CRISPLD2: variants seen among roughly 807,000 people sequenced by gnomAD.
CRISPLD2 encodes cysteine-rich secretory protein LCCL domain-containing 2.
CRISPLD2 carries 47 observed loss-of-function variants against 71.1 expected under a neutral mutation model. The observed-to-expected ratio is 0.66, with a 90% CI of 0.52 to 0.84. The LOEUF (loss-of-function observed/expected upper bound fraction) is 0.84. Ranked by LOEUF, CRISPLD2 falls within the 40% of genes least tolerant of loss-of-function variation. The pLI, the probability that CRISPLD2 is intolerant of heterozygous loss-of-function variation, is 0.00. For synonymous variants in CRISPLD2, 317 were observed against 250.1 expected (o/e 1.27, Z -2.52); for missense variants, 830 against 651.1 (o/e 1.27, Z -2.99).
At chr16:84,848,646 G>A (rs919780625) in intron 3 of CRISPLD2, among the ~76,000 whole-genome samples, 24 of 152,134 alleles carry the variant, frequency 1.6e-4, no homozygotes, top group Middle Eastern at 3.4e-3. Flanking sequence ...TCGCCATGTC[G>A]GCCAGGCTGG....
rs1411453377 is a variant in CRISPLD2 at position 84,880,604 on chromosome 16, A to G, written c.1305+20A>G. 6.2e-7 allele frequency: 1 copy of G among 1,606,202 alleles called. No homozygotes were observed. The highest frequency in any genetic ancestry group is 1.3e-5 in the African/African-American group (1 of 74,706). On this transcript the variant is annotated intron_variant, in intron 13 of 14. Coordinates refer to ENST00000262424, the MANE Select transcript of CRISPLD2 (RefSeq NM_031476.4). ...GCAGATGTGAGTAGGATGCATTTTCAACAACTATCTCGCAAAGCCTGTTAA... is the reference window on the plus strand; with the variant it reads ...GCAGATGTGAGTAGGATGCATTTTCGACAACTATCTCGCAAAGCCTGTTAA...
intron 14 of CRISPLD2, among the ~76,000 whole-genome samples, chr16:84,891,408 C>T (rs761531242): frequency 2.0e-5 from 3 of 152,278 alleles, no homozygotes; most frequent in South Asian, 2.1e-4. Flanking sequence ...GGGACCCCTG[C>T]CCGGTGACTC....
At chr16:84,834,982 G>C (rs978709898) in intron 1 of CRISPLD2, among the ~76,000 whole-genome samples, 1 of 152,166 alleles carries the variant, frequency 6.6e-6, no homozygotes, top group Non-Finnish European at 1.5e-5. Flanking sequence ...GTGTGAGTTT[G>C]GGGAAAACCA....
chr16:84,851,788 C>G (rs1234059894), intron 5 of CRISPLD2, among the ~76,000 whole-genome samples: 1 of 152,222 alleles, frequency 6.6e-6, no homozygotes, highest in African/African-American at 2.4e-5. Flanking sequence ...AAAATAGACA[C>G]TAGAAGGTCC....
chr16:84,899,052 C>G (rs972960646), intron 14 of CRISPLD2, among the ~76,000 whole-genome samples: 1 of 152,140 alleles, frequency 6.6e-6, no homozygotes, highest in African/African-American at 2.4e-5. Context: ...ACCACCACAT[C>G]TGGCTAATTT....
Position 84,838,552 on chromosome 16 carries a change from A to G in CRISPLD2, c.57A>G (p.Gly19=). 1 of 1,614,140 alleles carries G rather than the reference A, an allele frequency of 6.2e-7. No homozygotes were observed. Among genetic ancestry groups the G allele is most frequent in the Non-Finnish European group, 8.5e-7 (1 of 1,180,028 alleles). ...TGGGGCTGCTGTTCCTGGTCTGCGGATCCCAAGGCTACCTCCTGCCCAACG... is the reference window on the plus strand; with the variant it reads ...TGGGGCTGCTGTTCCTGGTCTGCGGGTCCCAAGGCTACCTCCTGCCCAACG... ...IPLGLLFLVC[G]SQGYLLPNVT... is the part of the protein sequence containing the mutation. Residue 19 remains glycine (G), a synonymous_variant, in exon 2 of 15, where the codon GGA becomes GGG. Transcript: ENST00000262424.
intron 12 of CRISPLD2, among the ~76,000 whole-genome samples, chr16:84,878,947 C>T (rs2071544631): frequency 6.6e-6 from 1 of 152,206 alleles, no homozygotes; most frequent in Non-Finnish European, 1.5e-5. Flanking sequence ...AAGACAGCTG[C>T]CCTGGAGGCT....
At chr16:84,906,529 T>A in intron 14 of CRISPLD2, 59 bp from the exon 15 acceptor site, 1 of 1,580,998 alleles carries the variant, frequency 6.3e-7, no homozygotes, top group Non-Finnish European at 8.7e-7. Context: ...CCACCCAGAG[T>A]CCCTGCAGGA....
intron 6 of CRISPLD2, among the ~76,000 whole-genome samples, chr16:84,866,358 C>T (rs1001828730): frequency 1.3e-5 from 2 of 152,166 alleles, no homozygotes; most frequent in Non-Finnish European, 2.9e-5. Flanking sequence ...CTCAGCACCC[C>T]CCAAGTAGCT....
intron 5 of CRISPLD2, among the ~76,000 whole-genome samples, chr16:84,854,458 G>A (rs1242803529): frequency 6.6e-6 from 1 of 152,156 alleles, no homozygotes; most frequent in Non-Finnish European, 1.5e-5. Flanking sequence ...GGGGGCCACG[G>A]GGCTGACAGC....
chr16:84,822,021 C>T (rs1445451937), intron 1 of CRISPLD2, among the ~76,000 whole-genome samples: 1 of 152,230 alleles, frequency 6.6e-6, no homozygotes, highest in African/African-American at 2.4e-5. Flanking sequence ...TGACCAGCCA[C>T]ATGACTGTCC....
chr16:84,845,636 C>A (rs1462598067), intron 2 of CRISPLD2, 150 bp from the exon 3 acceptor site: 3 of 639,776 alleles, frequency 4.7e-6, no homozygotes, highest in Non-Finnish European at 8.2e-6. Flanking sequence ...CTGCCACGCC[C>A]CCCTGGCTGA....
chr16:84,866,818 A>C, intron 6 of CRISPLD2, 79 bp from the exon 7 acceptor site: 2 of 1,406,154 alleles, frequency 1.4e-6, no homozygotes, highest in South Asian at 2.4e-5. Flanking sequence ...TTTAGTTTTC[A>C]AATTGCTTTT....
intron 8 of CRISPLD2, among the ~76,000 whole-genome samples, chr16:84,871,870 GAAAAAAAAAAAAAAAAAA>G (rs56328159): frequency 4.0e-5 from 4 of 100,046 alleles, no homozygotes; most frequent in East Asian, 2.8e-4. Context: ...TTTCAAATGA[GAAAAAAAAAAAAAAAAAA>G]AAAAAAAAAA....
At chr16:84,897,631 C>T (rs547935707) in intron 14 of CRISPLD2, among the ~76,000 whole-genome samples, 29 of 152,018 alleles carry the variant, frequency 1.9e-4, no homozygotes, top group African/African-American at 5.5e-4. Flanking sequence ...TTGTTTGAGA[C>T]GGAGTTTCAG....
chr16:84,849,545 G>T lies in CRISPLD2; in HGVS notation c.492+28G>T, dbSNP rs374941256. The stretch of plus-strand genomic sequence containing the variant: ...AACTCGGGGACTTGCCACGACCTCA[G>T]CCCTGCCCCCCAATCCCAGTCATTC... On this transcript the variant is annotated intron_variant, in intron 4 of 14. Coordinates refer to ENST00000262424, the MANE Select transcript of CRISPLD2 (RefSeq NM_031476.4). The T allele has an allele frequency of 1.9e-5, 31 of 1,608,026 alleles. No homozygotes were observed. The African/African-American group carries it at 2.8e-4, about 15-fold the overall frequency.
In CRISPLD2 at chr16:84,906,859, A is replaced by T; in HGVS notation, c.*217A>T. On this transcript the variant is annotated 3_prime_UTR_variant, in exon 15 of 15. Coordinates refer to ENST00000262424, the MANE Select transcript of CRISPLD2 (RefSeq NM_031476.4). Reference sequence around the variant, plus strand: ...GCTCAGCCGGACTCCCTGGTGCCTGATCCTGCTGGGGCCTGGGGGTCTCCA... The same window carrying T: ...GCTCAGCCGGACTCCCTGGTGCCTGTTCCTGCTGGGGCCTGGGGGTCTCCA... 1.6e-6 allele frequency: 1 copy of T among 641,942 alleles called. No individual in the cohort carries two copies. The highest frequency in any genetic ancestry group is 2.8e-6 in the Non-Finnish European group (1 of 358,084). The allele number at this position is 641,942 out of a possible 1,614,324, so 39.8% of individuals were successfully genotyped here. A position where few individuals can be genotyped will look rare whatever the true frequency, so the allele number is the denominator to read the frequency against.
At chr16:84,905,314 C>G (rs1394792858) in intron 14 of CRISPLD2, among the ~76,000 whole-genome samples, 1 of 152,082 alleles carries the variant, frequency 6.6e-6, no homozygotes, top group Non-Finnish European at 1.5e-5. Flanking sequence ...GACTGCACAA[C>G]TCTATAAAAT....
At chr16:84,889,163 G>C (rs1159470386) in intron 13 of CRISPLD2, 67 bp from the exon 14 acceptor site, 5 of 1,607,236 alleles carry the variant, frequency 3.1e-6, no homozygotes, top group African/African-American at 1.3e-5. Context: ...GAATGATGGA[G>C]CCCCAGCTGG....
Sources: allele counts gnomAD v4.1 joint callset (sites outside exome capture counted in the v4.1 genomes callset), GRCh38; gene constraint gnomAD v4.1.1; transcripts MANE v1.5; gene names NCBI Gene and HGNC (gene_info 2026-07-23, HGNC 2026-07-21).